The following HDAC11 variants were observed in gnomAD, a reference collection of about 807,000 sequenced individuals.
HDAC11 encodes the protein histone deacetylase 11.
HDAC11 carries 23 observed loss-of-function variants against 41.1 expected under a neutral mutation model. That is an observed-to-expected ratio of 0.56 (90% CI 0.40 to 0.79). HDAC11 has a LOEUF of 0.79. HDAC11 is among the 30% of genes least tolerant of loss of function. HDAC11 has a pLI of 0.00. For synonymous variants in HDAC11, 187 were observed against 186.6 expected, an observed-to-expected ratio of 1.00 and a Z score of -0.02; for missense variants, 402 against 477.3, an observed-to-expected ratio of 0.84 and a Z score of 1.47.
rs146224035 is a variant in HDAC11, at chr3:13,504,183, C to G, written c.739C>G (p.Gln247Glu). 3 of 1,614,024 alleles carry G rather than the reference C, an allele frequency of 1.9e-6. No individual in the cohort carries two copies. Among genetic ancestry groups the G allele is most frequent in the Non-Finnish European group, 1.7e-6 (2 of 1,180,022 alleles). The part of the protein sequence containing the change: ...KVERNIKKSL[Q>E]EHLPDVVVYN... Reference sequence around the variant, plus strand: ...GGAGAGGAACATCAAGAAATCCCTCCAGGAGCACCTGCCCGACGTGGTGGT... The same window carrying G: ...GGAGAGGAACATCAAGAAATCCCTCGAGGAGCACCTGCCCGACGTGGTGGT... The change falls in exon 9 of 10, where the codon CAG becomes GAG. Residue 247 changes from glutamine (Q) to glutamate (E), a missense_variant. Coordinates refer to ENST00000295757, the MANE Select transcript of HDAC11 (RefSeq NM_024827.4).
At chr3:13,486,900 A>G (rs1261406446) in intron 3 of HDAC11, among the ~76,000 whole-genome samples, 1 of 152,122 alleles carries the variant, frequency 6.6e-6, no homozygotes, top group Non-Finnish European at 1.5e-5. Flanking sequence ...CTTTGAAGGA[A>G]GAATGTTTCA....
intron 3 of HDAC11, among the ~76,000 whole-genome samples, chr3:13,493,830 T>C (rs942621591): frequency 6.6e-6 from 1 of 152,262 alleles, no homozygotes; most frequent in Non-Finnish European, 1.5e-5. Flanking sequence ...TGGCTGCACC[T>C]GGCCCCTGCA....
Position 13,483,482 on chromosome 3 carries a change from AC to A in HDAC11, c.171del (p.Asp57GlufsTer55), listed in dbSNP as rs1188048584. On this transcript the variant is annotated frameshift_variant, in exon 3 of 10. Transcript: ENST00000295757. LOFTEE classifies it high-confidence loss of function. ...NFLKEEKLLS[D>X]SMLVEAREAS... ...GTTTCAGAAGAGAAGCTTCTGTCTGACAGCATGCTGGTGGAGGCGCGGGAGG... is the reference window on the plus strand; with the variant it reads ...GTTTCAGAAGAGAAGCTTCTGTCTGAAGCATGCTGGTGGAGGCGCGGGAGG... 2 of 1,613,964 alleles carry A rather than the reference AC, an allele frequency of 1.2e-6. No individual in the cohort carries two copies. The highest frequency in any genetic ancestry group is 1.7e-6 in the Non-Finnish European group (2 of 1,179,930).
chr3:13,481,154 A>G (rs769452878), intron 1 of HDAC11, 92 bp from the exon 2 acceptor site: 4 of 1,372,124 alleles, frequency 2.9e-6, no homozygotes, highest in South Asian at 2.8e-5. Flanking sequence ...GTGCTGGGCA[A>G]TGGCTGGTGG....
chr3:13,502,474 T>C lies in HDAC11; in HGVS notation c.553-410T>C, dbSNP rs1294087491. ...CAGTGGGCTCCGGAAGGCACCCCCC[T>C]GCACCATTACTGCTGTGGCTTTGTG... On this transcript the variant is annotated intron_variant, in intron 7 of 9. Coordinates refer to ENST00000295757, the MANE Select transcript of HDAC11 (RefSeq NM_024827.4). The surrounding 1 kb of genome is among the most constrained non-coding windows in gnomAD (Gnocchi z 4.1). 2.4e-5 allele frequency: 5 copies of C among 210,184 alleles called. No individual in the cohort carries two copies. The highest frequency in any genetic ancestry group is 3.8e-5 in the Non-Finnish European group (4 of 103,982). The allele number at this position is 210,184 out of a possible 1,614,324, so 13.0% of individuals were successfully genotyped here.
chr3:13,481,536 A>C (rs1574881636), intron 2 of HDAC11, 142 bp downstream of exon 2: 1 of 917,704 alleles, frequency 1.1e-6, no homozygotes. Context: ...CTTCCGCCCA[A>C]AATGATTTTT....
chr3:13,504,284 C>A lies in HDAC11; in HGVS notation c.828+12C>A. ...CCATCAGCCCAGCGGTACGTCCTGA[C>A]CCTTGGGGCCACGGGAGGGTCTGCT... is the stretch of plus-strand genomic sequence containing the variant. On this transcript the variant is annotated intron_variant, in intron 9 of 9. Coordinates refer to ENST00000295757, the MANE Select transcript of HDAC11 (RefSeq NM_024827.4). 1 of 1,612,164 alleles carries A rather than the reference C, an allele frequency of 6.2e-7. No homozygotes were observed. Among genetic ancestry groups the A allele is most frequent in the Non-Finnish European group, 8.5e-7 (1 of 1,179,342 alleles).
In HDAC11 at chr3:13,504,498, C is replaced by T. The variant is rs762810161; in HGVS notation, c.859C>T (p.Arg287Trp). ...CGTGAAGCGGGATGAGCTGGTGTTC[C>T]GGATGGTCCGTGGCCGCCGGGTGCC... ...GIVKRDELVF[R>W]MVRGRRVPIL... Residue 287 changes from arginine (R) to tryptophan (W), a missense_variant, in exon 10 of 10, where the codon CGG (arginine) becomes TGG (tryptophan). Physicochemically the swap from Arg to Trp is moderately radical, Grantham distance 101. Transcript: ENST00000295757. 12 of 1,613,396 alleles carry T rather than the reference C, an allele frequency of 7.4e-6. No homozygotes were observed. The highest frequency in any genetic ancestry group is 2.2e-5 in the South Asian group (2 of 91,086).
chr3:13,481,207 G>A, intron 1 of HDAC11, 39 bp from the exon 2 acceptor site: 1 of 1,595,048 alleles, frequency 6.3e-7, no homozygotes, highest in Non-Finnish European at 8.5e-7. Context: ...TTCTGCCGAG[G>A]CTGCCCCAGC....
chr3:13,498,152 G>A (rs112467224), intron 4 of HDAC11, among the ~76,000 whole-genome samples: 1,603 of 152,292 alleles, frequency 0.011, 24 homozygotes, highest in African/African-American at 0.036. Context: ...CACTGCGCCT[G>A]GCCCAGTCTA....
chr3:13,484,683 C>T (rs1701480208), intron 3 of HDAC11, among the ~76,000 whole-genome samples: 1 of 152,212 alleles, frequency 6.6e-6, no homozygotes, highest in African/African-American at 2.4e-5. Flanking sequence ...TGAGCCACCA[C>T]ACCCGGCCCT....
At chr3:13,499,883 C>G (rs977107068) in intron 5 of HDAC11, among the ~76,000 whole-genome samples, 1 of 152,176 alleles carries the variant, frequency 6.6e-6, no homozygotes, top group Non-Finnish European at 1.5e-5. Context: ...GGGTTTGATC[C>G]TGGTTCTGCC....
Position 13,483,583 on chromosome 3 carries a change from G to A in HDAC11, c.252+19G>A, listed in dbSNP as rs1183985540. The A allele has an allele frequency of 1.3e-6, 2 of 1,595,414 alleles. No individual in the cohort carries two copies. On this transcript the variant is annotated intron_variant, in intron 3 of 9. Transcript: ENST00000295757. ...GCTCAAGGTACAGGATGTCGGGCCT[G>A]GGGGGCTGCGGGCCTGGGGCAGGGG...
chr3:13,484,625 C>A (rs571872755), intron 3 of HDAC11, among the ~76,000 whole-genome samples: 2 of 152,324 alleles, frequency 1.3e-5, no homozygotes, highest in African/African-American at 4.8e-5. Flanking sequence ...CTCCCGGGTT[C>A]AAACAATTTT....
At chr3:13,500,876 A>C in intron 6 of HDAC11, 87 bp downstream of exon 6, 1 of 1,042,928 alleles carries the variant, frequency 9.6e-7, no homozygotes, top group Non-Finnish European at 1.4e-6. Context: ...CTCACCCTGA[A>C]TTATAGACAA....
chr3:13,493,655 A>G (rs1450555858), intron 3 of HDAC11, among the ~76,000 whole-genome samples: 1 of 152,242 alleles, frequency 6.6e-6, no homozygotes, highest in African/African-American at 2.4e-5. Context: ...TTGTGCAGAA[A>G]CCACTGCTGC....
intron 2 of HDAC11, 96 bp downstream of exon 2, chr3:13,481,490 C>T: frequency 6.9e-7 from 1 of 1,449,758 alleles, no homozygotes; most frequent in African/African-American, 1.4e-5. Context: ...TCTCTCCCAT[C>T]TTCAGTTTCA....
rs1337749908 is a variant in HDAC11, at chr3:13,504,811, G to T, written c.*128G>T. On this transcript the variant is annotated 3_prime_UTR_variant, in exon 10 of 10. Transcript: ENST00000295757. ...AGGGGCAGGGCCATCCCTGGCTGGGGCCTGGAGCTGGCCCTTCCTCTACTT... is the reference window on the plus strand; with the variant it reads ...AGGGGCAGGGCCATCCCTGGCTGGGTCCTGGAGCTGGCCCTTCCTCTACTT... 2.7e-5 allele frequency: 22 copies of T among 828,106 alleles called. 1 individual carries two copies. The Admixed American group carries it at 4.7e-4, about 18-fold the overall frequency. 51.3% of individuals were successfully genotyped at this position (828,106 alleles called of 1,614,324 possible).
intron 5 of HDAC11, among the ~76,000 whole-genome samples, chr3:13,499,239 G>A (rs1430330118): frequency 2.0e-5 from 3 of 152,088 alleles, no homozygotes; most frequent in Admixed American, 6.6e-5. Context: ...GCGCGATCTC[G>A]GCTCACCGCA....
Sources: gnomAD v4.1 joint callset for allele counts (sites outside exome capture counted in the v4.1 genomes callset) on GRCh38, gnomAD v4.1.1 for gene constraint, Gnocchi (gnomAD v3.1) non-coding constraint, MANE v1.5 for transcripts, NCBI Gene and HGNC (gene_info 2026-07-23, HGNC 2026-07-21) for gene names.